CD180: variants seen among roughly 807,000 people sequenced by gnomAD.
The protein encoded by CD180 is CD180 molecule.
Under a neutral mutation model 10.7 loss-of-function variants are expected in CD180, and 11 were observed. That is an observed-to-expected ratio of 1.03 (90% confidence interval 0.65 to 1.70). CD180 has a LOEUF of 1.70. CD180 is among the 40% of genes most tolerant of loss of function. The pLI is 0.00. For missense variants in CD180, 729 were observed against 775.2 expected, an observed-to-expected ratio of 0.94 and a Z score of 0.71; for synonymous variants, 286 against 294.6, an observed-to-expected ratio of 0.97 and a Z score of 0.30.
intron 1 of CD180, among the ~76,000 whole-genome samples, chr5:67,192,905 T>G (rs1378662095): frequency 6.6e-6 from 1 of 152,194 alleles, no homozygotes; most frequent in Non-Finnish European, 1.5e-5. Context: ...TTTTGGAACT[T>G]TCTGATCTCA....
intron 1 of CD180, among the ~76,000 whole-genome samples, chr5:67,189,801 TTC>T (rs1742266893): frequency 6.6e-6 from 1 of 152,090 alleles, no homozygotes; most frequent in Non-Finnish European, 1.5e-5. Context: ...ATTCTTCACA[TTC>T]TGTTTGATTG....
rs1330066132 is a variant in CD180 at position 67,181,003 on chromosome 5, A to T, written c.*1854T>A. 3 of 151,292 alleles carry T rather than the reference A, an allele frequency of 2.0e-5. No individual in the cohort carries two copies. Among genetic ancestry groups the T allele is most frequent in the Non-Finnish European group, 4.4e-5 (3 of 67,962 alleles). 9.4% of individuals were successfully genotyped at this position (151,292 alleles called of 1,614,324 possible). On this transcript the variant is annotated 3_prime_UTR_variant, in exon 3 of 3. Coordinates refer to ENST00000256447, the MANE Select transcript of CD180 (RefSeq NM_005582.3). ...GACAGAGCAAGAATCAGTCTCAAAA[A>T]AAAAATTATATATATATATACACAC... is the stretch of plus-strand genomic sequence containing the variant.
intron 1 of CD180, among the ~76,000 whole-genome samples, chr5:67,190,556 G>A (rs1186877518): frequency 6.6e-6 from 1 of 152,210 alleles, no homozygotes; most frequent in Non-Finnish European, 1.5e-5. Flanking sequence ...GCTGGCTCCA[G>A]TGCAGATGGG....
At chr5:67,195,816 C>T (rs1742390467) in intron 1 of CD180, among the ~76,000 whole-genome samples, 1 of 152,238 alleles carries the variant, frequency 6.6e-6, no homozygotes. Context: ...CACCAAGACT[C>T]ATGGTTCCTC....
At chr5:67,193,535 T>C (rs1013985487) in intron 1 of CD180, among the ~76,000 whole-genome samples, 1 of 152,192 alleles carries the variant, frequency 6.6e-6, no homozygotes, top group Non-Finnish European at 1.5e-5. Flanking sequence ...TCTTGAGAAC[T>C]CACTCACACG....
At position 67,185,943 on chromosome 5, in the gene CD180, T is replaced by C; in HGVS notation, c.165A>G (p.Thr55=). 6.2e-7 allele frequency: 1 copy of C among 1,612,086 alleles called. No homozygotes were observed. The highest frequency in any genetic ancestry group is 8.5e-7 in the Non-Finnish European group (1 of 1,178,910). The change falls in exon 2 of 3, where the codon ACA becomes ACG. Residue 55 remains threonine (T), a synonymous_variant. Transcript: ENST00000256447. ...AATTAAAGCTGAATTCCAAAAATTCTGTTGTGTTTGGTAGAGTGTCAGGGA... is the reference window on the plus strand; with the variant it reads ...AATTAAAGCTGAATTCCAAAAATTCCGTTGTGTTTGGTAGAGTGTCAGGGA... ...SEIPDTLPNT[T]EFLEFSFNFL...
chr5:67,179,914 G>A lies in CD180; in HGVS notation c.*2943C>T, dbSNP rs372280555. On this transcript the variant is annotated 3_prime_UTR_variant, in exon 3 of 3. Coordinates refer to ENST00000256447, the MANE Select transcript of CD180 (RefSeq NM_005582.3). Reference sequence around the variant, plus strand: ...CAGGGTCAGCTCACTGAGCTACATCGTGCAATAATAACACATTTTTATAGG... The same window carrying A: ...CAGGGTCAGCTCACTGAGCTACATCATGCAATAATAACACATTTTTATAGG... The A allele has an allele frequency of 2.0e-5, 3 of 152,168 alleles. No homozygotes were observed. The highest frequency in any genetic ancestry group is 4.4e-5 in the Non-Finnish European group (3 of 68,036). The allele number at this position is 152,168 out of a possible 1,614,324, so 9.4% of individuals were successfully genotyped here. A position where few individuals can be genotyped will look rare whatever the true frequency, so the allele number is the denominator to read the frequency against.
chr5:67,182,299 A>AAATTTATTATGCTTTTCTTTTC lies in CD180; in HGVS notation c.*536_*557dup, dbSNP rs1742063038. The AAATTTATTATGCTTTTCTTTTC allele has an allele frequency of 6.6e-6, 1 of 152,162 alleles. No individual in the cohort carries two copies. The allele number at this position is 152,162 out of a possible 1,614,324, so 9.4% of individuals were successfully genotyped here. A position where few individuals can be genotyped will look rare whatever the true frequency, so the allele number is the denominator to read the frequency against. ...GTTTCATTTCTCAGCCTTTTCTTTT[A>AAATTTATTATGCTTTTCTTTTC]AATTTATTATGCTTTTCTTTTCTTT... On this transcript the variant is annotated 3_prime_UTR_variant, in exon 3 of 3. Coordinates refer to ENST00000256447, the MANE Select transcript of CD180 (RefSeq NM_005582.3).
At chr5:67,188,197 G>A (rs1742238552) in intron 1 of CD180, among the ~76,000 whole-genome samples, 1 of 151,866 alleles carries the variant, frequency 6.6e-6, no homozygotes, top group African/African-American at 2.4e-5. Context: ...TTGGGGGTAA[G>A]TTAGGCCTCC....
chr5:67,192,188 A>T, intron 1 of CD180, among the ~76,000 whole-genome samples: 1 of 152,162 alleles, frequency 6.6e-6, no homozygotes, highest in Non-Finnish European at 1.5e-5. Context: ...CAGGAGATCG[A>T]GACCATCCTG....
intron 1 of CD180, among the ~76,000 whole-genome samples, chr5:67,194,381 A>AT (rs11333784): frequency 3.3e-5 from 5 of 151,474 alleles, no homozygotes; most frequent in Admixed American, 6.6e-5. Flanking sequence ...AGAATCTAAG[A>AT]TTTTTTTTTG....
rs78173675 is a variant in CD180 at position 67,195,783 on chromosome 5, C to T, written c.90+769G>A. On this transcript the variant is annotated intron_variant, in intron 1 of 2. Coordinates refer to ENST00000256447, the MANE Select transcript of CD180 (RefSeq NM_005582.3). ...GCTCTTACTCTTCTTTTTACCTCAA[C>T]CCAGACCAGCAGCTCACCAAGCCAC... Among the ~76,000 whole-genome samples, 1,339 of 152,328 alleles carry T rather than the reference C, an allele frequency of 8.8e-3. 20 individuals carry two copies. Among genetic ancestry groups the T allele is most frequent in the African/African-American group, 0.031 (1,270 of 41,568 alleles).
Position 67,183,071 on chromosome 5 carries a change from C to T in CD180, c.1772G>A (p.Trp591Ter), listed in dbSNP as rs761923811. 2.5e-6 allele frequency: 4 copies of T among 1,612,326 alleles called. No individual in the cohort carries two copies. Among genetic ancestry groups the T allele is most frequent in the Non-Finnish European group, 2.5e-6 (3 of 1,178,988 alleles). Residue 591 changes from tryptophan to a stop codon, truncating the protein, a stop_gained, in exon 3 of 3, where the codon TGG becomes TAG. Coordinates refer to ENST00000256447, the MANE Select transcript of CD180 (RefSeq NM_005582.3). LOFTEE classifies it low-confidence loss of function (END_TRUNC). ...AAGTTTGTGCAGGTTTTCTTTGTAC[C>T]ATGTTAAGAAATGAATATTCGAGCA... ...CTCSNIHFLT[W>*]YKENLHKLEG...
Position 67,182,980 on chromosome 5 carries a change from G to T in CD180, c.1863C>A (p.Val621=). 1.9e-6 allele frequency: 3 copies of T among 1,614,210 alleles called. No individual in the cohort carries two copies. The South Asian group carries it at 3.3e-5, about 18-fold the overall frequency. The change falls in exon 3 of 3, where the codon GTC becomes GTA. Residue 621 remains valine (V), a synonymous_variant. Transcript: ENST00000256447. ...PSLRGVKLSD[V]KLSCGITAIG... ...TGGCTGTAATCCCACAGGAAAGCTT[G>T]ACATCAGATAGCTTAACTCCCCTTA... is the stretch of plus-strand genomic sequence containing the variant.
chr5:67,188,499 C>T (rs1221744270), intron 1 of CD180, among the ~76,000 whole-genome samples: 2 of 152,148 alleles, frequency 1.3e-5, no homozygotes, highest in Non-Finnish European at 2.9e-5. Flanking sequence ...CCCTGCCTTT[C>T]CTTGACACAT....
Position 67,182,774 on chromosome 5 carries a change from C to A in CD180, c.*83G>T. The A allele has an allele frequency of 8.6e-7, 1 of 1,169,140 alleles. No individual in the cohort carries two copies. The highest frequency in any genetic ancestry group is 1.2e-6 in the Non-Finnish European group (1 of 833,182). The allele number at this position is 1,169,140 out of a possible 1,614,324, so 72.4% of individuals were successfully genotyped here. A position where few individuals can be genotyped will look rare whatever the true frequency, so the allele number is the denominator to read the frequency against. Reference sequence around the variant, plus strand: ...CAGGAAGCAATCTGAAAAGTCTGGTCTGGTCACCAGCAGATGACAGTTCTT... The same window carrying A: ...CAGGAAGCAATCTGAAAAGTCTGGTATGGTCACCAGCAGATGACAGTTCTT... On this transcript the variant is annotated 3_prime_UTR_variant, in exon 3 of 3. Transcript: ENST00000256447.
At chr5:67,188,131 C>G (rs956477604) in intron 1 of CD180, among the ~76,000 whole-genome samples, 1 of 151,764 alleles carries the variant, frequency 6.6e-6, no homozygotes, top group African/African-American at 2.4e-5. Context: ...GATTGCACCA[C>G]TGCACTCCAG....
At chr5:67,194,040 C>T (rs148491695) in intron 1 of CD180, among the ~76,000 whole-genome samples, 18 of 152,260 alleles carry the variant, frequency 1.2e-4, no homozygotes, top group Non-Finnish European at 2.1e-4. Context: ...ACCACCTTTG[C>T]AAAATTATGA....
chr5:67,185,327 A>ACACG (rs1430057208), intron 2 of CD180, among the ~76,000 whole-genome samples: 1 of 143,264 alleles, frequency 7.0e-6, no homozygotes, highest in Non-Finnish European at 1.5e-5. Flanking sequence ...ACACACACAC[A>ACACG]CGCAGTATAG....
Sources: gnomAD v4.1 joint callset for allele counts (sites outside exome capture counted in the v4.1 genomes callset) on GRCh38, gnomAD v4.1.1 for gene constraint, MANE v1.5 for transcripts, NCBI Gene and HGNC (gene_info 2026-07-23, HGNC 2026-07-21) for gene names.